Variants in ARHGEF3 observed in about 807,000 individuals in gnomAD.
The protein encoded by ARHGEF3 is Rho guanine nucleotide exchange factor 3.
Under a neutral mutation model 63.2 loss-of-function variants are expected in ARHGEF3, and 28 were observed. The ratio of observed to expected loss-of-function variants is 0.44; its 90% CI spans 0.33 to 0.61. ARHGEF3 has a LOEUF of 0.61. Among genes scored for constraint, ARHGEF3 ranks in the 20% least tolerant of loss-of-function variants. ARHGEF3 has a pLI of 0.03. For missense variants in ARHGEF3, 533 were observed against 659.3 expected (o/e 0.81, Z 2.10); for synonymous variants, 266 against 254.2 (o/e 1.05, Z -0.44).
At chr3:56,764,757 T>A (rs1194191799) in intron 2 of ARHGEF3, among the ~76,000 whole-genome samples, 5 of 43,036 alleles carry the variant, frequency 1.2e-4, no homozygotes, top group Non-Finnish European at 2.0e-4. Context: ...AGTCAACAAA[T>A]TTTTTTTTTT....
chr3:56,864,064 C>T (rs1459017045), intron 4 of ARHGEF3, among the ~76,000 whole-genome samples: 3 of 152,204 alleles, frequency 2.0e-5, no homozygotes, highest in Non-Finnish European at 4.4e-5. Flanking sequence ...CACCATCTCT[C>T]ATCAGAAAAC....
intron 2 of ARHGEF3, among the ~76,000 whole-genome samples, chr3:56,964,293 C>A (rs1463239406): frequency 6.9e-6 from 1 of 145,088 alleles, no homozygotes; most frequent in Non-Finnish European, 1.5e-5. Context: ...GCACAGGTTG[C>A]AGGGAGCCGA....
At chr3:57,042,674 A>T (rs182444765) in intron 1 of ARHGEF3, among the ~76,000 whole-genome samples, 3 of 22,802 alleles carry the variant, frequency 1.3e-4, no homozygotes, top group African/African-American at 4.5e-4. Flanking sequence ...ATATATATAT[A>T]TATATATATA....
intron 2 of ARHGEF3, among the ~76,000 whole-genome samples, chr3:57,011,057 C>T (rs899068385): frequency 2.0e-5 from 3 of 152,164 alleles, no homozygotes; most frequent in Non-Finnish European, 4.4e-5. Context: ...TGCTCCCGCC[C>T]GCTTCCATAG....
intron 4 of ARHGEF3, among the ~76,000 whole-genome samples, chr3:56,845,539 G>A (rs2039460704): frequency 6.6e-6 from 1 of 152,138 alleles, no homozygotes; most frequent in Non-Finnish European, 1.5e-5. Flanking sequence ...GCTATATTTT[G>A]TGTTTCTTTG....
intron 3 of ARHGEF3, among the ~76,000 whole-genome samples, chr3:56,897,149 T>C (rs554541296): frequency 1.1e-3 from 175 of 152,318 alleles, no homozygotes; most frequent in African/African-American, 4.1e-3. Context: ...TGTTGGCTTA[T>C]GGATTCCAAT....
At chr3:57,018,582 T>C (rs1703119140) in intron 2 of ARHGEF3, among the ~76,000 whole-genome samples, 1 of 152,208 alleles carries the variant, frequency 6.6e-6, no homozygotes, top group African/African-American at 2.4e-5. Flanking sequence ...TGTTCTTAAA[T>C]ATACCATGCT....
chr3:56,782,119 T>A (rs1244205794), intron 1 of ARHGEF3, among the ~76,000 whole-genome samples: 1 of 152,222 alleles, frequency 6.6e-6, no homozygotes, highest in African/African-American at 2.4e-5. Context: ...AAAAAGATAA[T>A]AATAATGAAA....
intron 3 of ARHGEF3, among the ~76,000 whole-genome samples, chr3:56,940,417 A>G (rs1005453011): frequency 6.6e-6 from 1 of 152,240 alleles, no homozygotes; most frequent in Non-Finnish European, 1.5e-5. Context: ...TAGAAACTCA[A>G]AAATGCAAAT....
chr3:56,817,270 A>G (rs748025720), intron 4 of ARHGEF3, among the ~76,000 whole-genome samples: 1 of 152,184 alleles, frequency 6.6e-6, no homozygotes, highest in Non-Finnish European at 1.5e-5. Flanking sequence ...ACATAGTAAT[A>G]ATTTCATAAA....
In ARHGEF3 at chr3:56,808,774, T is replaced by C. The variant is rs1420509549; in HGVS notation, c.193-34958A>G. 2.0e-5 allele frequency among the ~76,000 whole-genome samples: 3 copies of C among 152,298 alleles called. No individual in the cohort carries two copies. The East Asian group carries it at 5.8e-4, about 29-fold the overall frequency. On this transcript the variant is annotated intron_variant, in intron 4 of 12. Transcript: ENST00000338458. ...GGTGATTTTACCTCCCAGCAGATAT[T>C]TGGCACTGTCTGGATGTATTTTTGA...
At chr3:56,749,557 C>T (rs2034600854) in intron 6 of ARHGEF3, among the ~76,000 whole-genome samples, 1 of 152,192 alleles carries the variant, frequency 6.6e-6, no homozygotes, top group South Asian at 2.1e-4. Flanking sequence ...TTAAGAGACA[C>T]TGAGGCACTC....
intron 4 of ARHGEF3, among the ~76,000 whole-genome samples, chr3:56,871,950 C>A (rs569792311): frequency 9.8e-5 from 15 of 152,320 alleles, no homozygotes; most frequent in African/African-American, 3.4e-4. Context: ...ACTATATTTT[C>A]AAATGACAGT....
chr3:56,851,594 C>T lies in ARHGEF3; in HGVS notation c.192+30698G>A, dbSNP rs538601958. 2.6e-5 allele frequency among the ~76,000 whole-genome samples: 4 copies of T among 151,922 alleles called. No homozygotes were observed. In the East Asian group the frequency reaches 7.8e-4, roughly 30 times the overall value. On this transcript the variant is annotated intron_variant, in intron 4 of 12. Transcript: ENST00000338458. The stretch of plus-strand genomic sequence containing the variant: ...GTAGAGAGGGGGTTTTACCATGTCG[C>T]CCAAGTTGGTCTTAATCTCCTGGGC...
chr3:56,961,337 T>C (rs958053586), intron 2 of ARHGEF3, among the ~76,000 whole-genome samples: 3 of 152,158 alleles, frequency 2.0e-5, no homozygotes, highest in Non-Finnish European at 4.4e-5. Context: ...AAACTGAGGC[T>C]CAGAGAGGTT....
intron 4 of ARHGEF3, among the ~76,000 whole-genome samples, chr3:56,866,788 C>G (rs1400920682): frequency 6.6e-6 from 1 of 152,204 alleles, no homozygotes; most frequent in Non-Finnish European, 1.5e-5. Flanking sequence ...GTTGTGCACT[C>G]AATAAACACC....
In ARHGEF3 at chr3:56,964,287, A is replaced by C. The variant is rs540380487; in HGVS notation, c.63-5398T>G. On this transcript the variant is annotated intron_variant, in intron 2 of 12. Transcript: ENST00000338458. ...AGAATCACTTGAACCCGGGAGGCAC[A>C]GGTTGCAGGGAGCCGAGATCGTGCC... Among the ~76,000 whole-genome samples, 3 of 150,336 alleles carry C rather than the reference A, an allele frequency of 2.0e-5. No individual in the cohort carries two copies. The South Asian group carries it at 6.3e-4, about 32-fold the overall frequency.
At chr3:56,991,250 T>A (rs6772106) in intron 2 of ARHGEF3, among the ~76,000 whole-genome samples, 1 of 152,094 alleles carries the variant, frequency 6.6e-6, no homozygotes. Context: ...GCCACTCACA[T>A]GCCTGAGGAT....
At chr3:56,871,917 C>T (rs2040442863) in intron 4 of ARHGEF3, among the ~76,000 whole-genome samples, 2 of 152,254 alleles carry the variant, frequency 1.3e-5, no homozygotes, top group East Asian at 3.9e-4. Context: ...GTTCTCAGAC[C>T]TGTGACTGTC....
Sources: gnomAD v4.1 joint callset for allele counts (sites outside exome capture counted in the v4.1 genomes callset) on GRCh38, gnomAD v4.1.1 for gene constraint, MANE v1.5 for transcripts, NCBI Gene and HGNC (gene_info 2026-07-23, HGNC 2026-07-21) for gene names.